The following C10orf90 variants were observed in gnomAD, a reference collection of about 807,000 sequenced individuals.
The protein encoded by C10orf90 is (E2-independent) E3 ubiquitin-conjugating enzyme FATS.
Under a neutral mutation model 62.5 loss-of-function variants are expected in C10orf90, and 56 were observed. That is an observed-to-expected ratio of 0.90 (90% CI 0.72 to 1.12). The LOEUF is 1.12. Among genes scored for constraint, C10orf90 ranks in the 50% most tolerant of loss-of-function variants. The pLI is 0.00. For missense variants in C10orf90, 970 were observed against 880.4 expected (o/e 1.10, Z -1.29); for synonymous variants, 386 against 340.4 (o/e 1.13, Z -1.47).
chr10:126,473,275 C>CA (rs1217198222), intron 4 of C10orf90, among the ~76,000 whole-genome samples: 1 of 152,208 alleles, frequency 6.6e-6, no homozygotes, highest in African/African-American at 2.4e-5. Flanking sequence ...ATCACTGAGC[C>CA]CTCAAGTCCC....
intron 2 of C10orf90, among the ~76,000 whole-genome samples, chr10:126,569,786 T>C (rs1245230000): frequency 6.6e-6 from 1 of 152,024 alleles, no homozygotes; most frequent in East Asian, 1.9e-4. Context: ...GGAAAATAGC[T>C]CTTCTGATTG....
intron 2 of C10orf90, among the ~76,000 whole-genome samples, chr10:126,549,744 CAAAAAA>C (rs35430859): frequency 0.037 from 5,331 of 143,772 alleles, 115 homozygotes; most frequent in Non-Finnish European, 0.046. Context: ...TTCATAATAG[CAAAAAA>C]AAAAAAAAAA....
intron 4 of C10orf90, among the ~76,000 whole-genome samples, chr10:126,493,724 T>A (rs576600961): frequency 6.6e-6 from 1 of 152,274 alleles, no homozygotes; most frequent in South Asian, 2.1e-4. Flanking sequence ...AGAAACTGAT[T>A]CCATTTAAAT....
chr10:126,434,383 A>G (rs1857781499), intron 7 of C10orf90, among the ~76,000 whole-genome samples: 1 of 152,216 alleles, frequency 6.6e-6, no homozygotes, highest in Admixed American at 6.5e-5. Context: ...TCCTCCATGC[A>G]GAGCCCTTAT....
At chr10:126,545,976 A>G (rs1330685742) in intron 2 of C10orf90, among the ~76,000 whole-genome samples, 1 of 152,188 alleles carries the variant, frequency 6.6e-6, no homozygotes, top group Non-Finnish European at 1.5e-5. Context: ...GAGGAGAAAG[A>G]CTAGCTATGG....
At chr10:126,561,651 TCTC>T (rs1864902520) in intron 2 of C10orf90, among the ~76,000 whole-genome samples, 1 of 152,040 alleles carries the variant, frequency 6.6e-6, no homozygotes, top group South Asian at 2.1e-4. Context: ...AGAAATGTCA[TCTC>T]CTGGAACTGC....
intron 4 of C10orf90, among the ~76,000 whole-genome samples, chr10:126,483,349 T>C (rs1238681854): frequency 6.6e-6 from 1 of 152,266 alleles, no homozygotes; most frequent in Non-Finnish European, 1.5e-5. Context: ...CTGCAGAGAC[T>C]CCAAGTTTTG....
intron 2 of C10orf90, among the ~76,000 whole-genome samples, chr10:126,539,782 C>T (rs1864331592): frequency 6.6e-6 from 1 of 152,036 alleles, no homozygotes; most frequent in South Asian, 2.1e-4. Flanking sequence ...TTTTTAATTT[C>T]ATATAAACAA....
chr10:126,611,321 G>T (rs1845428869), intron 2 of C10orf90, among the ~76,000 whole-genome samples: 1 of 152,170 alleles, frequency 6.6e-6, no homozygotes, highest in South Asian at 2.1e-4. Context: ...AGTAATATGT[G>T]CCAGGACTTC....
intron 2 of C10orf90, among the ~76,000 whole-genome samples, chr10:126,634,416 G>A (rs771396444): frequency 6.6e-6 from 1 of 152,120 alleles, no homozygotes; most frequent in Non-Finnish European, 1.5e-5. Flanking sequence ...ATCTAAAATA[G>A]CAGAATTCAT....
chr10:126,544,198 G>A (rs1041028396), intron 2 of C10orf90, among the ~76,000 whole-genome samples: 2 of 152,190 alleles, frequency 1.3e-5, no homozygotes, highest in Non-Finnish European at 2.9e-5. Context: ...CTGGCCCAGG[G>A]GCCCCAGTTG....
intron 2 of C10orf90, among the ~76,000 whole-genome samples, chr10:126,536,984 G>T (rs1864254616): frequency 1.3e-5 from 2 of 152,162 alleles, no homozygotes; most frequent in Admixed American, 6.5e-5. Flanking sequence ...AGTGGGTTTG[G>T]TGCTTATCTT....
chr10:126,519,185 A>T (rs1255743847), intron 2 of C10orf90, among the ~76,000 whole-genome samples: 1 of 152,206 alleles, frequency 6.6e-6, no homozygotes, highest in East Asian at 1.9e-4. Context: ...GTGGAGAGGG[A>T]TGGTGGCATA....
chr10:126,542,664 G>C (rs1470853340), intron 2 of C10orf90, among the ~76,000 whole-genome samples: 1 of 151,942 alleles, frequency 6.6e-6, no homozygotes, highest in Non-Finnish European at 1.5e-5. Flanking sequence ...AATTAAAAAA[G>C]CAACAAGGAG....
At chr10:126,585,458 A>AGGGAGGGAGAGAG (rs1167137871) in intron 2 of C10orf90, among the ~76,000 whole-genome samples, 2 of 151,178 alleles carry the variant, frequency 1.3e-5, no homozygotes, top group East Asian at 2.0e-4. Context: ...GGAGGGAAGA[A>AGGGAGGGAGAGAG]GGAAGGAAAG....
intron 2 of C10orf90, among the ~76,000 whole-genome samples, chr10:126,541,085 T>A (rs962734676): frequency 2.0e-5 from 3 of 152,154 alleles, no homozygotes; most frequent in Non-Finnish European, 4.4e-5. Context: ...CCGTGAAAGA[T>A]GAAGAGCTGG....
chr10:126,663,726 G>A (rs996107944), intron 1 of C10orf90, among the ~76,000 whole-genome samples: 3 of 152,006 alleles, frequency 2.0e-5, no homozygotes, highest in Non-Finnish European at 4.4e-5. Context: ...TCATGCGGTT[G>A]GAAAATATTG....
intron 2 of C10orf90, among the ~76,000 whole-genome samples, chr10:126,526,549 A>AT (rs1434667710): frequency 1.3e-5 from 2 of 152,106 alleles, no homozygotes; most frequent in Non-Finnish European, 2.9e-5. Flanking sequence ...TGGCCAACTA[A>AT]TTTTTTTAAT....
intron 2 of C10orf90, among the ~76,000 whole-genome samples, chr10:126,546,585 C>G (rs61134130): frequency 0.033 from 5,019 of 152,262 alleles, 287 homozygotes; most frequent in African/African-American, 0.11. Context: ...AGCCTCCCCC[C>G]ACCCAGGGAG....
Sources: gnomAD v4.1 joint callset for allele counts (sites outside exome capture counted in the v4.1 genomes callset) on GRCh38, gnomAD v4.1.1 for gene constraint, MANE v1.5 for transcripts, NCBI Gene and HGNC (gene_info 2026-07-23, HGNC 2026-07-21) for gene names.